Variants in ESRRG observed in about 807,000 individuals in gnomAD.
ESRRG encodes the protein estrogen related receptor gamma, also known as estrogen-related receptor gamma.
ESRRG carries 13 observed loss-of-function variants against 44.0 expected under a neutral mutation model. The observed-to-expected ratio is 0.30, with a 90% CI of 0.19 to 0.47. The LOEUF (loss-of-function observed/expected upper bound fraction) is 0.47. Ranked by LOEUF, ESRRG falls within the 20% of genes least tolerant of loss-of-function variation. The pLI is 1.00. For missense variants in ESRRG, 395 were observed against 580.6 expected, an observed-to-expected ratio of 0.68 and a Z score of 3.29; for synonymous variants, 215 against 214.6, an observed-to-expected ratio of 1.00 and a Z score of -0.02.
chr1:216,604,149 A>G lies in ESRRG; in HGVS notation c.590-36051T>C, dbSNP rs2059623772. Among the ~76,000 whole-genome samples, 3 of 152,306 alleles carry G rather than the reference A, an allele frequency of 2.0e-5. No homozygotes were observed. In the Middle Eastern group the frequency reaches 0.01, roughly 518 times the overall value. ...TAGGCACTTCAACAGGGAGAATTCA[A>G]TATGAAAACTTTGGTCCAAAGGGTG... is the stretch of plus-strand genomic sequence containing the variant. On this transcript the variant is annotated intron_variant, in intron 3 of 6. Coordinates refer to ENST00000408911, the MANE Select transcript of ESRRG (RefSeq NM_001438.4).
intron 1 of ESRRG, among the ~76,000 whole-genome samples, chr1:217,010,725 G>A (rs2078441412): frequency 6.6e-6 from 1 of 152,134 alleles, no homozygotes; most frequent in Non-Finnish European, 1.5e-5. Context: ...GCTATAGAAT[G>A]ACTATCTGAA....
chr1:216,658,845 TAAAAGAAGAG>T (rs1193463253), intron 2 of ESRRG, among the ~76,000 whole-genome samples: 4 of 95,096 alleles, frequency 4.2e-5, no homozygotes, highest in Non-Finnish European at 6.4e-5. Context: ...AAAAAGAAAG[TAAAAGAAGAG>T]AAGAGAAGAG....
chr1:216,615,737 T>TC (rs375567254), intron 3 of ESRRG, among the ~76,000 whole-genome samples: 4,424 of 30,482 alleles, frequency 0.15, 222 homozygotes, highest in African/African-American at 0.42. Context: ...TTTCTCTCTC[T>TC]TTTTTTTTTT....
intron 1 of ESRRG, among the ~76,000 whole-genome samples, chr1:216,689,725 A>T (rs1015310658): frequency 6.6e-6 from 1 of 152,170 alleles, no homozygotes; most frequent in Non-Finnish European, 1.5e-5. Context: ...ATGCCTACAC[A>T]CACAAACATA....
At chr1:216,573,783 C>G (rs891359927) in intron 3 of ESRRG, among the ~76,000 whole-genome samples, 7 of 151,686 alleles carry the variant, frequency 4.6e-5, no homozygotes, top group Non-Finnish European at 8.8e-5. Flanking sequence ...GATGATTTTC[C>G]TGAGTTTAGC....
At chr1:216,590,090 T>C (rs901051444) in intron 3 of ESRRG, among the ~76,000 whole-genome samples, 1 of 151,998 alleles carries the variant, frequency 6.6e-6, no homozygotes, top group African/African-American at 2.4e-5. Context: ...CCAAGATGTT[T>C]CTTTTTCAAT....
intron 2 of ESRRG, among the ~76,000 whole-genome samples, chr1:216,929,476 G>A (rs190518547): frequency 3.5e-4 from 54 of 152,286 alleles, no homozygotes; most frequent in African/African-American, 1.2e-3. Flanking sequence ...CACCCAGTGC[G>A]TGTGTGGAGG....
chr1:216,519,249 T>C lies in ESRRG; in HGVS notation c.1035A>G (p.Leu345=), dbSNP rs750386809. 2.5e-5 allele frequency: 41 copies of C among 1,613,698 alleles called. No individual in the cohort carries two copies. The Admixed American group carries it at 5.0e-4, about 20-fold the overall frequency. The part of the protein sequence containing the change: ...DQSKLAGLLD[L]NNAILQLVKK... ...TTACCAGCTGCAGGATAGCATTATT[T>C]AGATCAAGAAGGCCTGCTAATTTGG... Residue 345 remains leucine, a synonymous_variant, in exon 6 of 7, where the codon CTA becomes CTG. Transcript: ENST00000408911.
At chr1:216,776,154 T>A (rs1372334091) in intron 2 of ESRRG, among the ~76,000 whole-genome samples, 3 of 152,124 alleles carry the variant, frequency 2.0e-5, no homozygotes, top group Non-Finnish European at 4.4e-5. Flanking sequence ...CTTTTTGGTC[T>A]GGCCTGAGCC....
intron 1 of ESRRG, among the ~76,000 whole-genome samples, chr1:217,133,672 T>TTTCTTTCTTTCTTTCTTTCTTTC (rs1455375273): frequency 1.3e-5 from 2 of 151,196 alleles, no homozygotes; most frequent in Non-Finnish European, 2.9e-5. Flanking sequence ...TCTTTCTTTC[T>TTTCTTTCTTTCTTTCTTTCTTTC]TTCTTTCTTT....
intron 1 of ESRRG, among the ~76,000 whole-genome samples, chr1:217,055,376 C>A (rs935624526): frequency 6.6e-6 from 1 of 152,088 alleles, no homozygotes; most frequent in Non-Finnish European, 1.5e-5. Context: ...TACAGGAGAA[C>A]CACCTTATAT....
chr1:216,556,158 A>G (rs2057505489), intron 5 of ESRRG, among the ~76,000 whole-genome samples: 1 of 152,136 alleles, frequency 6.6e-6, no homozygotes, highest in Admixed American at 6.6e-5. Flanking sequence ...TCTTTAACTT[A>G]TCAAGTAGCT....
chr1:216,925,469 T>C (rs748924566), intron 2 of ESRRG, among the ~76,000 whole-genome samples: 5 of 151,864 alleles, frequency 3.3e-5, no homozygotes, highest in African/African-American at 1.2e-4. Context: ...ATGACAAACA[T>C]GTTGAGACAA....
At position 216,683,126 on chromosome 1, in the gene ESRRG, A is replaced by G. The variant is rs139586441; in HGVS notation, c.57-5635T>C. ...TGCTTTGACAACTGCTGGGTCTAACATATCATCATTGCATTAAGGTACACT... is the reference window on the plus strand; with the variant it reads ...TGCTTTGACAACTGCTGGGTCTAACGTATCATCATTGCATTAAGGTACACT... On this transcript the variant is annotated intron_variant, in intron 1 of 6. Coordinates refer to ENST00000408911, the MANE Select transcript of ESRRG (RefSeq NM_001438.4). Among the ~76,000 whole-genome samples, 104 of 152,294 alleles carry G rather than the reference A, an allele frequency of 6.8e-4. 2 individuals carry two copies. In the East Asian group the frequency reaches 0.02, roughly 29 times the overall value.
intron 5 of ESRRG, among the ~76,000 whole-genome samples, chr1:216,549,791 A>G (rs1558428088): frequency 6.6e-6 from 1 of 152,190 alleles, no homozygotes; most frequent in Non-Finnish European, 1.5e-5. Flanking sequence ...AAGGAAAACC[A>G]TTCCATCCAA....
intron 2 of ESRRG, among the ~76,000 whole-genome samples, chr1:216,854,477 GAAGCATCTAACGAATACCAGGT>G (rs2095893470): frequency 6.6e-6 from 1 of 151,422 alleles, no homozygotes; most frequent in African/African-American, 2.4e-5. Context: ...TACACGCCTT[GAAGCATCTAACGAATACCAGGT>G]AGGTAGACAA....
At chr1:217,119,016 TAGA>T (rs2092779636) in intron 1 of ESRRG, among the ~76,000 whole-genome samples, 1 of 128,818 alleles carries the variant, frequency 7.8e-6, no homozygotes, top group Non-Finnish European at 1.8e-5. Context: ...GATAGATAGA[TAGA>T]TAGATAGATA....
intron 2 of ESRRG, among the ~76,000 whole-genome samples, chr1:216,669,077 T>C (rs1041785513): frequency 1.3e-5 from 2 of 151,388 alleles, no homozygotes; most frequent in Non-Finnish European, 2.9e-5. Context: ...AAGCTCAGAG[T>C]GTTTTTTTAT....
chr1:216,552,945 T>A (rs899653734), intron 5 of ESRRG, among the ~76,000 whole-genome samples: 1 of 152,136 alleles, frequency 6.6e-6, no homozygotes, highest in Non-Finnish European at 1.5e-5. Flanking sequence ...AAATCTGAAG[T>A]AATTATTCCA....
Sources: allele counts gnomAD v4.1 joint callset (sites outside exome capture counted in the v4.1 genomes callset), GRCh38; gene constraint gnomAD v4.1.1; transcripts MANE v1.5; gene names NCBI Gene and HGNC (gene_info 2026-07-23, HGNC 2026-07-21).